FBXL5: variants seen among roughly 807,000 people sequenced by gnomAD.
FBXL5 encodes the protein F-box and leucine rich repeat protein 5.
FBXL5 carries 26 observed loss-of-function variants against 78.3 expected under a neutral mutation model. The observed-to-expected ratio is 0.33, with a 90% CI of 0.24 to 0.46. The LOEUF is 0.46. Among genes scored for constraint, FBXL5 ranks in the 20% least tolerant of loss-of-function variants. The probability of loss-of-function intolerance (pLI) is 1.00; values close to 1 mark genes in which losing one functional copy is unlikely to be tolerated. For synonymous variants in FBXL5, 295 were observed against 282.5 expected, an observed-to-expected ratio of 1.04 and a Z score of -0.45; for missense variants, 710 against 829.2, an observed-to-expected ratio of 0.86 and a Z score of 1.77.
chr4:15,650,172 A>G (rs1478523728), intron 1 of FBXL5, among the ~76,000 whole-genome samples: 1 of 152,220 alleles, frequency 6.6e-6, no homozygotes, highest in Non-Finnish European at 1.5e-5. Context: ...GGATGTGGCT[A>G]AACATCCTAC....
chr4:15,607,564 C>T (rs1002894833), intron 10 of FBXL5, among the ~76,000 whole-genome samples: 20 of 152,028 alleles, frequency 1.3e-4, no homozygotes, highest in African/African-American at 4.8e-4. Flanking sequence ...AATTCTTCTC[C>T]CACTGCCAAT....
chr4:15,673,513 G>A (rs1717849050), intron 1 of FBXL5, among the ~76,000 whole-genome samples: 1 of 152,100 alleles, frequency 6.6e-6, no homozygotes, highest in Non-Finnish European at 1.5e-5. Context: ...AGACACATAA[G>A]ACATCATCAT....
intron 9 of FBXL5, among the ~76,000 whole-genome samples, chr4:15,614,194 G>A (rs567471643): frequency 2.6e-5 from 4 of 152,312 alleles, no homozygotes; most frequent in African/African-American, 7.2e-5. Context: ...CCAAACTGCT[G>A]TAATTGTTCT....
At chr4:15,680,358 C>A (rs1400687800) in intron 1 of FBXL5, among the ~76,000 whole-genome samples, 1 of 152,120 alleles carries the variant, frequency 6.6e-6, no homozygotes, top group Non-Finnish European at 1.5e-5. Flanking sequence ...ATTTGCTAAT[C>A]AAAAAACAGC....
At chr4:15,622,867 A>T (rs1712624067) in intron 9 of FBXL5, among the ~76,000 whole-genome samples, 1 of 152,236 alleles carries the variant, frequency 6.6e-6, no homozygotes, top group African/African-American at 2.4e-5. Context: ...CCTTCAATTC[A>T]AACGCAAACT....
chr4:15,676,770 T>G (rs1473882247), intron 1 of FBXL5, among the ~76,000 whole-genome samples: 1 of 152,190 alleles, frequency 6.6e-6, no homozygotes, highest in Non-Finnish European at 1.5e-5. Flanking sequence ...TCTTTACTTT[T>G]GTGTATATTT....
intron 1 of FBXL5, among the ~76,000 whole-genome samples, chr4:15,676,450 A>C (rs924931811): frequency 3.3e-5 from 5 of 152,224 alleles, no homozygotes; most frequent in Non-Finnish European, 7.3e-5. Flanking sequence ...AACAACAAAA[A>C]AAAGGGAGAC....
chr4:15,622,064 CT>C (rs1171500291), intron 9 of FBXL5, among the ~76,000 whole-genome samples: 3 of 152,170 alleles, frequency 2.0e-5, no homozygotes, highest in South Asian at 2.1e-4. Context: ...AACTCCTGGG[CT>C]CAAGTGATCC....
chr4:15,674,893 T>C (rs921239102), intron 1 of FBXL5, among the ~76,000 whole-genome samples: 23 of 152,124 alleles, frequency 1.5e-4, no homozygotes, highest in Non-Finnish European at 2.8e-4. Flanking sequence ...TTGTGATCCG[T>C]CTGCCTCGGC....
At chr4:15,651,828 T>C (rs548183026) in intron 1 of FBXL5, among the ~76,000 whole-genome samples, 3 of 152,210 alleles carry the variant, frequency 2.0e-5, no homozygotes, top group Non-Finnish European at 2.9e-5. Context: ...CTGGTTTATA[T>C]ATAAGCCTGG....
At chr4:15,659,292 A>G (rs1477485070), upstream of FBXL5, among the ~76,000 whole-genome samples, 1 of 152,212 alleles carries the variant, frequency 6.6e-6, no homozygotes, top group Non-Finnish European at 1.5e-5. Context: ...ACAAACCAAA[A>G]TACTCCTGTT....
intron 1 of FBXL5, among the ~76,000 whole-genome samples, chr4:15,649,143 T>C (rs151207468): frequency 1.1e-3 from 160 of 152,054 alleles, no homozygotes; most frequent in Non-Finnish European, 1.7e-3. Flanking sequence ...GTTTGTTGAT[T>C]TGATGAAGTG....
At chr4:15,622,066 C>T (rs373249659) in intron 9 of FBXL5, among the ~76,000 whole-genome samples, 6 of 152,272 alleles carry the variant, frequency 3.9e-5, no homozygotes, top group African/African-American at 1.4e-4. Flanking sequence ...CTCCTGGGCT[C>T]AAGTGATCCT....
At chr4:15,640,713 T>G (rs992770430) in intron 3 of FBXL5, 75 bp downstream of exon 3, 56 of 765,544 alleles carry the variant, frequency 7.3e-5, no homozygotes, top group Non-Finnish European at 9.7e-5. Context: ...ATGCATTATT[T>G]TGAAGAGTCT....
At chr4:15,642,324 T>A (rs1159359879) in intron 2 of FBXL5, among the ~76,000 whole-genome samples, 1 of 150,630 alleles carries the variant, frequency 6.6e-6, no homozygotes, top group East Asian at 2.0e-4. Context: ...CACTGCAACC[T>A]CAGGTTCATG....
chr4:15,670,495 C>T (rs961863408), intron 1 of FBXL5, among the ~76,000 whole-genome samples: 2 of 152,096 alleles, frequency 1.3e-5, no homozygotes, highest in Non-Finnish European at 2.9e-5. Context: ...GGGTTTTTTA[C>T]ATTTAAAGTG....
At chr4:15,638,730 T>C (rs1341883940) in intron 3 of FBXL5, 36 bp from the exon 4 acceptor site, 3 of 1,338,074 alleles carry the variant, frequency 2.2e-6, no homozygotes, top group Non-Finnish European at 3.2e-6. Flanking sequence ...GAAAGATGCT[T>C]CATTCGTGTT....
chr4:15,611,915 T>C (rs1185219254), intron 10 of FBXL5: 1 of 163,420 alleles, frequency 6.1e-6, no homozygotes, highest in Non-Finnish European at 1.3e-5. Context: ...ATCTAGAACA[T>C]AAATAGTTCT....
At chr4:15,653,981 C>T (rs1232132182) in intron 1 of FBXL5, among the ~76,000 whole-genome samples, 1 of 152,238 alleles carries the variant, frequency 6.6e-6, no homozygotes, top group African/African-American at 2.4e-5. Context: ...CTGGTGTTTC[C>T]AACTCATGTG....
Sources: gnomAD v4.1 joint callset for allele counts (sites outside exome capture counted in the v4.1 genomes callset) on GRCh38, gnomAD v4.1.1 for gene constraint, MANE v1.5 for transcripts, NCBI Gene and HGNC (gene_info 2026-07-23, HGNC 2026-07-21) for gene names.